The following KCNIP1 variants were observed in gnomAD, a reference collection of about 807,000 sequenced individuals.
KCNIP1 encodes potassium voltage-gated channel interacting protein 1.
KCNIP1 carries 18 observed loss-of-function variants against 33.0 expected under a neutral mutation model. The observed-to-expected ratio is 0.55, with a 90% confidence interval of 0.38 to 0.81. The LOEUF is 0.81. KCNIP1 is among the 30% of genes least tolerant of loss of function. The pLI is 0.00. For missense variants in KCNIP1, 238 were observed against 271.6 expected, an observed-to-expected ratio of 0.88 and a Z score of 0.87; for synonymous variants, 93 against 98.3, an observed-to-expected ratio of 0.95 and a Z score of 0.32.
intron 1 of KCNIP1, among the ~76,000 whole-genome samples, chr5:170,354,745 C>T (rs1763300854): frequency 6.6e-6 from 1 of 152,238 alleles, no homozygotes; most frequent in Non-Finnish European, 1.5e-5. Flanking sequence ...GTGTCTTAAA[C>T]CCCATTTTAC....
intron 1 of KCNIP1, among the ~76,000 whole-genome samples, chr5:170,482,307 G>A (rs551186537): frequency 3.9e-5 from 6 of 152,198 alleles, no homozygotes; most frequent in African/African-American, 1.4e-4. Context: ...TTTCCCCAGG[G>A]TTCAAAGAAG....
intron 1 of KCNIP1, chr5:170,383,919 A>T: frequency 2.0e-6 from 3 of 1,523,386 alleles, no homozygotes; most frequent in Non-Finnish European, 1.8e-6. Flanking sequence ...ACCCATTTGA[A>T]CCCATTATCC....
chr5:170,713,889 TGG>T (rs1763544483), intron 1 of KCNIP1, among the ~76,000 whole-genome samples: 1 of 151,940 alleles, frequency 6.6e-6, no homozygotes, highest in Non-Finnish European at 1.5e-5. Context: ...CCGGGCATGG[TGG>T]GGCACACCTG....
rs1329719802 is a variant in KCNIP1, at chr5:170,652,256, G to A, written c.62-66502G>A. 2.0e-5 allele frequency among the ~76,000 whole-genome samples: 3 copies of A among 152,144 alleles called. No individual in the cohort carries two copies. The South Asian group carries it at 6.2e-4, about 32-fold the overall frequency. Reference sequence around the variant, plus strand: ...CCCAGCACTGTGGGAGGCCAAGGTGGATGATTCGCTTGAGCCCAGGAGTTC... The same window carrying A: ...CCCAGCACTGTGGGAGGCCAAGGTGAATGATTCGCTTGAGCCCAGGAGTTC... On this transcript the variant is annotated intron_variant, in intron 1 of 7. Transcript: ENST00000328939.
chr5:170,448,514 T>C (rs1037666976), intron 1 of KCNIP1, among the ~76,000 whole-genome samples: 1 of 152,230 alleles, frequency 6.6e-6, no homozygotes, highest in Admixed American at 6.5e-5. Flanking sequence ...TGCAAGCCCC[T>C]TGAGTGGGCA....
chr5:170,548,332 G>A (rs930741216), intron 1 of KCNIP1, among the ~76,000 whole-genome samples: 1 of 152,030 alleles, frequency 6.6e-6, no homozygotes, highest in Admixed American at 6.6e-5. Flanking sequence ...TCTTTTTCCT[G>A]CAAGCCTTAT....
intron 1 of KCNIP1, among the ~76,000 whole-genome samples, chr5:170,684,933 G>A (rs1671304180): frequency 6.7e-6 from 1 of 149,948 alleles, no homozygotes; most frequent in African/African-American, 2.4e-5. Context: ...GGAAATATCA[G>A]AAGACAAGAA....
chr5:170,485,583 G>A (rs1262980498), intron 1 of KCNIP1, among the ~76,000 whole-genome samples: 2 of 152,154 alleles, frequency 1.3e-5, no homozygotes, highest in East Asian at 3.9e-4. Context: ...GGGAGCTAGG[G>A]CAGCTCTGAG....
chr5:170,367,349 A>AAAAGGAAG (rs1763692636), intron 1 of KCNIP1, among the ~76,000 whole-genome samples: 1 of 76,890 alleles, frequency 1.3e-5, no homozygotes, highest in Non-Finnish European at 2.5e-5. Flanking sequence ...GAAGGAAAGA[A>AAAAGGAAG]AAAGAAAGAA....
At chr5:170,733,798 A>G (rs1373074617) in intron 6 of KCNIP1, 38 bp from the exon 7 acceptor site, 2 of 1,541,000 alleles carry the variant, frequency 1.3e-6, no homozygotes, top group African/African-American at 2.7e-5. Flanking sequence ...AATGGAGATC[A>G]CCAGATTCTG....
chr5:170,710,640 G>A (rs1763412020), intron 1 of KCNIP1, among the ~76,000 whole-genome samples: 1 of 152,172 alleles, frequency 6.6e-6, no homozygotes, highest in Non-Finnish European at 1.5e-5. Flanking sequence ...TTTCATGCAG[G>A]CTGCCTTGGT....
At chr5:170,503,992 C>A, upstream of KCNIP1, 3 of 952,946 alleles carry the variant, frequency 3.1e-6, no homozygotes, top group Non-Finnish European at 3.7e-6. Flanking sequence ...CCGCCCGCCG[C>A]CCCCTCCGCC....
intron 1 of KCNIP1, among the ~76,000 whole-genome samples, chr5:170,530,764 G>A (rs531531308): frequency 6.6e-5 from 10 of 152,354 alleles, no homozygotes; most frequent in African/African-American, 2.4e-4. Flanking sequence ...GTCCACCTGA[G>A]GATGTGGATG....
chr5:170,363,664 T>C (rs1763577943), intron 1 of KCNIP1, among the ~76,000 whole-genome samples: 1 of 152,226 alleles, frequency 6.6e-6, no homozygotes, highest in Non-Finnish European at 1.5e-5. Flanking sequence ...CCATAGACCA[T>C]TCTTTGCATA....
intron 1 of KCNIP1, among the ~76,000 whole-genome samples, chr5:170,562,188 G>A (rs1184471513): frequency 2.0e-5 from 3 of 152,234 alleles, no homozygotes; most frequent in Non-Finnish European, 2.9e-5. Flanking sequence ...CTTGGAGGAA[G>A]TCAAATAGAG....
chr5:170,433,433 C>T (rs1008747808), intron 1 of KCNIP1, among the ~76,000 whole-genome samples: 2 of 152,176 alleles, frequency 1.3e-5, no homozygotes, highest in Non-Finnish European at 2.9e-5. Flanking sequence ...ATGATCCGCC[C>T]GCCTCGGCAC....
intron 1 of KCNIP1, among the ~76,000 whole-genome samples, chr5:170,368,843 C>T (rs543116461): frequency 4.6e-5 from 7 of 152,338 alleles, no homozygotes; most frequent in African/African-American, 1.7e-4. Context: ...TGACCAAACC[C>T]ACACACGCAT....
At chr5:170,493,295 C>T (rs1233099908) in intron 1 of KCNIP1, among the ~76,000 whole-genome samples, 2 of 152,140 alleles carry the variant, frequency 1.3e-5, no homozygotes, top group Non-Finnish European at 2.9e-5. Context: ...TATTCCATGC[C>T]CTTCTTCCTG....
At chr5:170,719,640 T>C (rs983044303) in intron 2 of KCNIP1, among the ~76,000 whole-genome samples, 1 of 152,114 alleles carries the variant, frequency 6.6e-6, no homozygotes, top group Admixed American at 6.5e-5. Flanking sequence ...CTGGGTCAGT[T>C]CCAAACTGAC....
Sources: gnomAD v4.1 joint callset for allele counts (sites outside exome capture counted in the v4.1 genomes callset) on GRCh38, gnomAD v4.1.1 for gene constraint, MANE v1.5 for transcripts, NCBI Gene and HGNC (gene_info 2026-07-23, HGNC 2026-07-21) for gene names.